HSD17B14: variants seen among roughly 807,000 people sequenced by gnomAD.
HSD17B14 encodes the protein L-fucose dehydrogenase.
Under a neutral mutation model 32.2 loss-of-function variants are expected in HSD17B14, and 32 were observed. The observed-to-expected ratio is 0.99, with a 90% CI of 0.75 to 1.33. The LOEUF is 1.33. Among genes scored for constraint, HSD17B14 ranks in the 40% most tolerant of loss-of-function variants. The pLI is 0.00. For missense variants in HSD17B14, 370 were observed against 366.5 expected, an observed-to-expected ratio of 1.01 and a Z score of -0.08; for synonymous variants, 140 against 155.4, an observed-to-expected ratio of 0.90 and a Z score of 0.74.
intron 4 of HSD17B14, 100 bp downstream of exon 4, chr19:48,832,566 A>T: frequency 9.7e-7 from 1 of 1,030,150 alleles, no homozygotes; most frequent in Non-Finnish European, 1.5e-6. Context: ...GGTATGAGGC[A>T]GGATGAGGGA....
intron 7 of HSD17B14, 51 bp from the exon 8 acceptor site, chr19:48,813,603 G>A: frequency 1.2e-6 from 2 of 1,612,518 alleles, no homozygotes; most frequent in East Asian, 2.2e-5. Context: ...AACCACTTGG[G>A]ATCACTCCCA....
At chr19:48,821,453 T>C (rs962470223) in intron 5 of HSD17B14, among the ~76,000 whole-genome samples, 3 of 152,182 alleles carry the variant, frequency 2.0e-5, no homozygotes, top group East Asian at 1.9e-4. Flanking sequence ...ATCCCGCCCT[T>C]GTTTTCCCTA....
chr19:48,829,508 C>A (rs897911709), intron 5 of HSD17B14, among the ~76,000 whole-genome samples: 2 of 151,866 alleles, frequency 1.3e-5, no homozygotes, highest in Non-Finnish European at 2.9e-5. Flanking sequence ...CCTGCCACCA[C>A]GCACAGCTAA....
At chr19:48,825,118 G>A (rs1423399404) in intron 5 of HSD17B14, among the ~76,000 whole-genome samples, 2 of 151,126 alleles carry the variant, frequency 1.3e-5, no homozygotes, top group African/African-American at 4.9e-5. Context: ...TGTGCCTGTA[G>A]TCCCAGCTAT....
At chr19:48,821,904 T>C (rs1281305828) in intron 5 of HSD17B14, among the ~76,000 whole-genome samples, 3 of 149,846 alleles carry the variant, frequency 2.0e-5, no homozygotes, top group Non-Finnish European at 3.0e-5. Flanking sequence ...ATGATGATGG[T>C]GATGATGATA....
At chr19:48,821,013 ATTTT>A (rs550582834) in intron 5 of HSD17B14, among the ~76,000 whole-genome samples, 3 of 123,826 alleles carry the variant, frequency 2.4e-5, no homozygotes, top group Admixed American at 8.3e-5. Context: ...GGATGGATAG[ATTTT>A]TTTTTTTTTT....
At chr19:48,833,766 C>A (rs550007448) in intron 3 of HSD17B14, among the ~76,000 whole-genome samples, 10 of 151,454 alleles carry the variant, frequency 6.6e-5, no homozygotes, top group Non-Finnish European at 1.3e-4. Flanking sequence ...GCAGAGGTTG[C>A]GGTGAGCCGA....
rs758462774 is a variant in HSD17B14 at position 48,815,025 on chromosome 19, G to A, written c.474+12C>T. 1.2e-6 allele frequency: 2 copies of A among 1,602,790 alleles called. No homozygotes were observed. The highest frequency in any genetic ancestry group is 1.1e-5 in the South Asian group (1 of 90,850). ...GAGTAGGGAGGGAAGGAAGGGGTAG[G>A]GGCTGCCATACCTTGGTGGCCACAT... is the stretch of plus-strand genomic sequence containing the variant. On this transcript the variant is annotated intron_variant, in intron 6 of 8. Coordinates refer to ENST00000263278, the MANE Select transcript of HSD17B14 (RefSeq NM_016246.3).
chr19:48,820,657 G>A (rs181071673), intron 5 of HSD17B14, among the ~76,000 whole-genome samples: 78 of 149,990 alleles, frequency 5.2e-4, no homozygotes, highest in Non-Finnish European at 7.0e-4. Context: ...TCAGCCTCCC[G>A]AGTAGCTGGG....
intron 5 of HSD17B14, among the ~76,000 whole-genome samples, chr19:48,822,564 A>C (rs2035177303): frequency 6.8e-6 from 1 of 146,050 alleles, no homozygotes; most frequent in African/African-American, 2.6e-5. Context: ...GTGATGGTAA[A>C]TTTTAGTAAT....
chr19:48,818,175 G>A (rs1026566849), intron 5 of HSD17B14, among the ~76,000 whole-genome samples: 5 of 151,850 alleles, frequency 3.3e-5, no homozygotes, highest in Admixed American at 2.0e-4. Context: ...GCCGGGTGTG[G>A]TGGTGCGTGC....
intron 4 of HSD17B14, 63 bp downstream of exon 4, chr19:48,832,603 A>G (rs1197146271): frequency 7.1e-7 from 1 of 1,403,968 alleles, no homozygotes; most frequent in Non-Finnish European, 1.0e-6. Context: ...GGGGAAACTG[A>G]CGTGCAGGAA....
At position 48,813,549 on chromosome 19, in the gene HSD17B14, G is replaced by A. The variant is rs763387375; in HGVS notation, c.546C>T (p.Ile182=). The A allele has an allele frequency of 2.5e-6, 4 of 1,614,054 alleles. No homozygotes were observed. The South Asian group carries it at 4.4e-5, about 18-fold the overall frequency. The part of the protein sequence containing the change: ...ESPYGVRVNC[I]SPGNIWTPLW... ...GCGGGGTCCAGATGTTTCCTGGGGA[G>A]ATACTAGAGGAAGGGAGAGGGGGGA... Residue 182 remains isoleucine (I), a synonymous_variant, in exon 8 of 9, where the codon ATC becomes ATT. Transcript: ENST00000263278.
intron 3 of HSD17B14, 74 bp from the exon 4 acceptor site, chr19:48,832,806 T>C: frequency 7.8e-7 from 1 of 1,282,900 alleles, no homozygotes; most frequent in Non-Finnish European, 1.1e-6. Context: ...CAGGCTGGAG[T>C]GCATTGGCAC....
At position 48,813,361 on chromosome 19, in the gene HSD17B14, G is replaced by C. The variant is rs777849813; in HGVS notation, c.640-13C>G. ...TGCGGCCCAGTGGCTGGGGAGAAAA[G>C]AGGGGGGAAGGAGGTCAAGAGGAGC... On this transcript the variant is annotated splice_polypyrimidine_tract_variant and intron_variant, in intron 8 of 8. Transcript: ENST00000263278. 1.3e-6 allele frequency: 2 copies of C among 1,564,862 alleles called. No individual in the cohort carries two copies. The highest frequency in any genetic ancestry group is 1.7e-4 in the Middle Eastern group (1 of 6,012).
At position 48,836,478 on chromosome 19, in the gene HSD17B14, C is replaced by G. The variant is rs965563858; in HGVS notation, c.-67G>C. On this transcript the variant is annotated 5_prime_UTR_variant, in exon 1 of 9. Transcript: ENST00000263278. ...TTTCACCTCCAAAGCCCCGTGAGGC[C>G]GTCGCATCAAATCCTCAATAGAGGC... The G allele has an allele frequency of 2.0e-6, 3 of 1,527,458 alleles. No individual in the cohort carries two copies. The highest frequency in any genetic ancestry group is 2.7e-5 in the African/African-American group (2 of 73,236). 94.6% of individuals were successfully genotyped at this position (1,527,458 alleles called of 1,614,324 possible).
chr19:48,821,349 TGA>T (rs997689377), intron 5 of HSD17B14, among the ~76,000 whole-genome samples: 4 of 152,184 alleles, frequency 2.6e-5, no homozygotes, highest in African/African-American at 9.6e-5. Context: ...AATCCAGCTC[TGA>T]GAGACTACAA....
rs751179504 is a variant in HSD17B14, at chr19:48,813,339, G to C, written c.649C>G (p.Arg217Gly). The C allele has an allele frequency of 3.2e-6, 5 of 1,580,776 alleles. No individual in the cohort carries two copies. Among genetic ancestry groups the C allele is most frequent in the Non-Finnish European group, 4.3e-6 (5 of 1,163,248 alleles). ...CCGACCTCAGCGGGCTGGCCCATGC[G>C]GCCCAGTGGCTGGGGAGAAAAGAGG... is the stretch of plus-strand genomic sequence containing the variant. The part of the protein sequence containing the change: ...REGMLAQPLG[R>G]MGQPAEVGAA... Residue 217 changes from arginine (R) to glycine (G), a missense_variant, in exon 9 of 9, where the codon CGC becomes GGC. Physicochemically the swap from Arg to Gly is moderately radical, Grantham distance 125. Coordinates refer to ENST00000263278, the MANE Select transcript of HSD17B14 (RefSeq NM_016246.3).
chr19:48,816,817 TTCTTTCTTTTCTTTCTC>T (rs1568517446), intron 5 of HSD17B14, among the ~76,000 whole-genome samples: 4 of 87,362 alleles, frequency 4.6e-5, no homozygotes, highest in Admixed American at 1.3e-4. Context: ...CTTTCTTTCT[TTCTTTCTTTTCTTTCTC>T]TCTCTCTCTC....
Sources: allele counts gnomAD v4.1 joint callset (sites outside exome capture counted in the v4.1 genomes callset), GRCh38; gene constraint gnomAD v4.1.1; transcripts MANE v1.5; gene names NCBI Gene and HGNC (gene_info 2026-07-23, HGNC 2026-07-21).